ASTN2: variants seen among roughly 807,000 people sequenced by gnomAD.
ASTN2 encodes astrotactin-2.
In ASTN2, 54 loss-of-function variants were observed where a neutral mutation model predicts 139.8. The ratio of observed to expected loss-of-function variants is 0.39; its 90% CI spans 0.31 to 0.48. The LOEUF (loss-of-function observed/expected upper bound fraction) is 0.48. Ranked by LOEUF, ASTN2 falls within the 20% of genes least tolerant of loss-of-function variation. The pLI is 0.95. For missense variants in ASTN2, 1,565 were observed against 1,725.1 expected (o/e 0.91, Z 1.64); for synonymous variants, 756 against 719.5 (o/e 1.05, Z -0.81).
At chr9:116,664,173 A>G (rs923516123) in intron 16 of ASTN2, among the ~76,000 whole-genome samples, 2 of 152,140 alleles carry the variant, frequency 1.3e-5, no homozygotes, top group African/African-American at 4.8e-5. Flanking sequence ...ATAATATTGT[A>G]TGTGATTGGA....
At chr9:116,797,819 A>T (rs1165257666) in intron 13 of ASTN2, among the ~76,000 whole-genome samples, 1 of 152,200 alleles carries the variant, frequency 6.6e-6, no homozygotes, top group African/African-American at 2.4e-5. Context: ...GTGCTCCTGT[A>T]CAGTGTCAGG....
intron 2 of ASTN2, among the ~76,000 whole-genome samples, chr9:117,224,056 C>T (rs1004952533): frequency 2.6e-5 from 4 of 152,160 alleles, no homozygotes; most frequent in Non-Finnish European, 1.5e-5. Flanking sequence ...AGAACAGGGT[C>T]AAAATCCTGG....
At chr9:117,149,693 G>T (rs112376889) in intron 3 of ASTN2, among the ~76,000 whole-genome samples, 2 of 152,212 alleles carry the variant, frequency 1.3e-5, no homozygotes, top group African/African-American at 4.8e-5. Context: ...ATCTTATATA[G>T]GAGTCACCTT....
chr9:116,441,867 T>C (rs1847849406), intron 21 of ASTN2, among the ~76,000 whole-genome samples: 1 of 152,248 alleles, frequency 6.6e-6, no homozygotes, highest in Non-Finnish European at 1.5e-5. Flanking sequence ...TTATATTTTT[T>C]CAGGTTATTT....
chr9:116,642,492 T>C (rs568704119), intron 17 of ASTN2, among the ~76,000 whole-genome samples: 97 of 152,192 alleles, frequency 6.4e-4, no homozygotes, highest in South Asian at 1.9e-3. Flanking sequence ...TCAATACTTG[T>C]TCAAATGATG....
chr9:116,672,610 T>C (rs544329556), intron 16 of ASTN2, among the ~76,000 whole-genome samples: 5 of 152,330 alleles, frequency 3.3e-5, no homozygotes, highest in African/African-American at 7.2e-5. Flanking sequence ...TGGTGCCTTT[T>C]GGATTTATTA....
intron 2 of ASTN2, among the ~76,000 whole-genome samples, chr9:117,225,782 C>T (rs1340264811): frequency 6.6e-6 from 1 of 151,594 alleles, no homozygotes; most frequent in African/African-American, 2.4e-5. Context: ...ACCAAAAAGG[C>T]TGTTGTGAAG....
At chr9:116,826,540 C>A (rs1363547335) in intron 11 of ASTN2, among the ~76,000 whole-genome samples, 12 of 152,156 alleles carry the variant, frequency 7.9e-5, no homozygotes, top group Admixed American at 7.9e-4. Context: ...GCCCGCCCAA[C>A]CCATCACAGC....
chr9:116,503,824 G>A (rs59209626), intron 19 of ASTN2, among the ~76,000 whole-genome samples: 7,793 of 152,128 alleles, frequency 0.051, 637 homozygotes, highest in African/African-American at 0.17. Context: ...TAATCCTCAC[G>A]ATAATCCTGT....
chr9:116,763,815 C>T (rs1829737392), intron 13 of ASTN2, among the ~76,000 whole-genome samples: 1 of 152,136 alleles, frequency 6.6e-6, no homozygotes, highest in South Asian at 2.1e-4. Flanking sequence ...GTAAGCTCTC[C>T]TATGGTTTCT....
chr9:116,838,117 T>G lies in ASTN2; in HGVS notation c.2041-17334A>C, dbSNP rs1040271583. On this transcript the variant is annotated intron_variant, in intron 11 of 22. Transcript: ENST00000313400. ...CCTGGCTGTGTTTTTTTTTGTTTTG[T>G]TTTGTTTTTTGAGACAGAGTCACGC... Among the ~76,000 whole-genome samples, 44 of 132,074 alleles carry G rather than the reference T, an allele frequency of 3.3e-4. No homozygotes were observed. The South Asian group carries it at 4.3e-3, about 13-fold the overall frequency. 86.6% of individuals were successfully genotyped at this position (132,074 alleles called of 152,430 possible).
chr9:117,233,243 C>T (rs1424037159), intron 2 of ASTN2, among the ~76,000 whole-genome samples: 2 of 152,190 alleles, frequency 1.3e-5, no homozygotes, highest in Non-Finnish European at 2.9e-5. Context: ...GCATGTGTTC[C>T]TCGCTCCAAA....
intron 10 of ASTN2, among the ~76,000 whole-genome samples, chr9:116,940,501 T>C (rs116006113): frequency 0.021 from 3,186 of 152,250 alleles, 81 homozygotes; most frequent in South Asian, 0.066. Context: ...CCTAAGCTAA[T>C]GTGTGTGTTC....
intron 19 of ASTN2, among the ~76,000 whole-genome samples, chr9:116,501,634 T>C (rs1485918226): frequency 2.7e-5 from 4 of 149,580 alleles, no homozygotes. Context: ...CCTGTTGTCA[T>C]AGGTGGGAAT....
chr9:116,932,053 T>G lies in ASTN2; in HGVS notation c.1889+43155A>C, dbSNP rs1002126286. On this transcript the variant is annotated intron_variant, in intron 10 of 22. Coordinates refer to ENST00000313400, the MANE Select transcript of ASTN2 (RefSeq NM_001365068.1). ...GGGAAGGGGTAGTAGAGTGTGAGTT[T>G]GAAGAGATAGGACCTTAGAGGCCAT... Among the ~76,000 whole-genome samples, 17 of 152,132 alleles carry G rather than the reference T, an allele frequency of 1.1e-4. No homozygotes were observed. The East Asian group carries it at 2.3e-3, about 21-fold the overall frequency.
intron 10 of ASTN2, among the ~76,000 whole-genome samples, chr9:116,969,460 T>C (rs942292497): frequency 6.6e-5 from 10 of 152,188 alleles, no homozygotes; most frequent in South Asian, 4.2e-4. Flanking sequence ...GCATAAACCA[T>C]TGGGAAAGGG....
At chr9:116,460,875 C>G (rs549927706) in intron 20 of ASTN2, among the ~76,000 whole-genome samples, 5 of 152,216 alleles carry the variant, frequency 3.3e-5, no homozygotes, top group East Asian at 1.9e-4. Flanking sequence ...AGATAAGATG[C>G]CCTTAGCCCA....
intron 11 of ASTN2, among the ~76,000 whole-genome samples, chr9:116,838,370 CA>C (rs1442158317): frequency 6.6e-6 from 1 of 151,264 alleles, no homozygotes; most frequent in East Asian, 2.0e-4. Flanking sequence ...TCAGCACTCC[CA>C]AAGTACTGGG....
At chr9:116,952,389 C>T (rs1262284772) in intron 10 of ASTN2, among the ~76,000 whole-genome samples, 1 of 152,112 alleles carries the variant, frequency 6.6e-6, no homozygotes, top group Non-Finnish European at 1.5e-5. Flanking sequence ...TGTTGATTGG[C>T]TTAGAAGCTC....
Sources: gnomAD v4.1 joint callset for allele counts (sites outside exome capture counted in the v4.1 genomes callset) on GRCh38, gnomAD v4.1.1 for gene constraint, MANE v1.5 for transcripts, NCBI Gene and HGNC (gene_info 2026-07-23, HGNC 2026-07-21) for gene names.